The following MOB3B variants were observed in gnomAD, a reference collection of about 807,000 sequenced individuals.
The protein encoded by MOB3B is MOB kinase activator-like 2B.
Under a neutral mutation model 18.7 loss-of-function variants are expected in MOB3B, and 7 were observed. The observed-to-expected ratio is 0.37, with a 90% CI of 0.21 to 0.70. The LOEUF is 0.70. Ranked by LOEUF, MOB3B falls within the 30% of genes least tolerant of loss-of-function variation. The pLI is 0.52. For synonymous variants in MOB3B, 111 were observed against 99.9 expected, an observed-to-expected ratio of 1.11 and a Z score of -0.66; for missense variants, 253 against 281.3, an observed-to-expected ratio of 0.90 and a Z score of 0.72.
At chr9:27,480,868 GAA>G (rs1327994595) in intron 1 of MOB3B, among the ~76,000 whole-genome samples, 1 of 152,118 alleles carries the variant, frequency 6.6e-6, no homozygotes, top group African/African-American at 2.4e-5. Flanking sequence ...TAAGAGAACA[GAA>G]AATGATAAAT....
chr9:27,363,680 TTCAGCA>T (rs1358824143), intron 2 of MOB3B, among the ~76,000 whole-genome samples: 1 of 152,178 alleles, frequency 6.6e-6, no homozygotes, highest in Admixed American at 6.5e-5. Flanking sequence ...AGGCTCTTTC[TTCAGCA>T]TCCTATAGGT....
intron 3 of MOB3B, among the ~76,000 whole-genome samples, chr9:27,348,455 C>G (rs1276579847): frequency 6.6e-6 from 1 of 151,854 alleles, no homozygotes; most frequent in Non-Finnish European, 1.5e-5. Context: ...GAGTTCCAGA[C>G]CAGCCTGGCC....
intron 2 of MOB3B, among the ~76,000 whole-genome samples, chr9:27,392,609 C>T (rs146376231): frequency 6.6e-6 from 1 of 152,272 alleles, no homozygotes; most frequent in African/African-American, 2.4e-5. Flanking sequence ...CAATCCTTTA[C>T]ATGAACAACT....
At chr9:27,414,076 C>T (rs1296174268) in intron 2 of MOB3B, among the ~76,000 whole-genome samples, 1 of 152,202 alleles carries the variant, frequency 6.6e-6, no homozygotes, top group African/African-American at 2.4e-5. Flanking sequence ...ATGCCTAGTT[C>T]AATAAATCTG....
chr9:27,421,321 A>G (rs1444845428), intron 2 of MOB3B: 1 of 151,588 alleles, frequency 6.6e-6, no homozygotes. Flanking sequence ...CAAACTCCTG[A>G]CCTCAGGTGA....
chr9:27,417,436 G>C (rs546859834), intron 2 of MOB3B, among the ~76,000 whole-genome samples: 1 of 152,188 alleles, frequency 6.6e-6, no homozygotes, highest in African/African-American at 2.4e-5. Flanking sequence ...GCATACATGA[G>C]AGGGAAAGAA....
chr9:27,455,298 G>A lies in MOB3B; in HGVS notation c.253C>T (p.Arg85Trp), dbSNP rs752536593. The part of the protein sequence containing the change: ...YGTICEFCTE[R>W]TCPVMSGGPK... ...CCCCCTGACATCACAGGACAGGTCC[G>A]CTCGGTGCAGAACTCACAGATGGTG... Residue 85 changes from arginine (R) to tryptophan (W), a missense_variant, in exon 2 of 4, where the codon CGG becomes TGG. Arg to Trp is a moderately radical substitution (Grantham distance 101). Transcript: ENST00000262244. The A allele has an allele frequency of 3.0e-5, 49 of 1,613,940 alleles. No homozygotes were observed. Among genetic ancestry groups the A allele is most frequent in the South Asian group, 8.8e-5 (8 of 91,064 alleles).
chr9:27,465,307 G>T (rs1819364661), intron 1 of MOB3B, among the ~76,000 whole-genome samples: 1 of 152,180 alleles, frequency 6.6e-6, no homozygotes, highest in African/African-American at 2.4e-5. Context: ...AAATTTTAAA[G>T]CTCCAAAATG....
intron 1 of MOB3B, among the ~76,000 whole-genome samples, chr9:27,458,591 C>T (rs1819227566): frequency 7.7e-6 from 1 of 129,874 alleles, no homozygotes; most frequent in South Asian, 3.0e-4. Context: ...CATGATCATG[C>T]CACTGCTGGA....
At chr9:27,384,319 T>C (rs1205694515) in intron 2 of MOB3B, among the ~76,000 whole-genome samples, 1 of 152,074 alleles carries the variant, frequency 6.6e-6, no homozygotes, top group African/African-American at 2.4e-5. Flanking sequence ...TCATGAATGG[T>C]TTAAGTGCAC....
At chr9:27,425,101 C>T (rs971783570) in intron 2 of MOB3B, among the ~76,000 whole-genome samples, 1 of 152,046 alleles carries the variant, frequency 6.6e-6, no homozygotes, top group East Asian at 1.9e-4. Context: ...GGCATCCAGG[C>T]GCGGTGGCTT....
chr9:27,342,661 T>C (rs1300756264), intron 3 of MOB3B, among the ~76,000 whole-genome samples: 1 of 152,030 alleles, frequency 6.6e-6, no homozygotes, highest in Non-Finnish European at 1.5e-5. Flanking sequence ...GGAGACGGGG[T>C]TTCGCCTTGT....
At chr9:27,499,651 C>T (rs895269625) in intron 1 of MOB3B, among the ~76,000 whole-genome samples, 1 of 152,190 alleles carries the variant, frequency 6.6e-6, no homozygotes, top group African/African-American at 2.4e-5. Flanking sequence ...TGCCATTTCT[C>T]GTTAGAATGG....
chr9:27,430,829 T>TA (rs1308256511), intron 2 of MOB3B, among the ~76,000 whole-genome samples: 1 of 151,868 alleles, frequency 6.6e-6, no homozygotes, highest in Non-Finnish European at 1.5e-5. Flanking sequence ...TCCTGGTTCT[T>TA]ACCACCGTGA....
chr9:27,468,855 A>T (rs1819428631), intron 1 of MOB3B, among the ~76,000 whole-genome samples: 1 of 152,222 alleles, frequency 6.6e-6, no homozygotes. Context: ...GAACTACTTC[A>T]TGCAAAGATC....
At chr9:27,398,953 A>G (rs1247156206) in intron 2 of MOB3B, among the ~76,000 whole-genome samples, 1 of 150,836 alleles carries the variant, frequency 6.6e-6, no homozygotes, top group African/African-American at 2.4e-5. Flanking sequence ...TTTTTTTTTA[A>G]TCTGCAAAAT....
intron 2 of MOB3B, among the ~76,000 whole-genome samples, chr9:27,362,431 C>T (rs1821286300): frequency 6.6e-6 from 1 of 152,128 alleles, no homozygotes. Context: ...CTGTACTGTG[C>T]TTGGCACTCA....
At chr9:27,373,225 A>G (rs1489844886) in intron 2 of MOB3B, among the ~76,000 whole-genome samples, 1 of 152,212 alleles carries the variant, frequency 6.6e-6, no homozygotes, top group Non-Finnish European at 1.5e-5. Context: ...TAAACCAAGC[A>G]TGGGGCCATT....
chr9:27,450,053 C>T (rs1010319342), intron 2 of MOB3B, among the ~76,000 whole-genome samples: 2 of 151,250 alleles, frequency 1.3e-5, no homozygotes, highest in African/African-American at 4.9e-5. Context: ...CATCCCATGT[C>T]TGAGAAGATT....
Sources: allele counts gnomAD v4.1 joint callset (sites outside exome capture counted in the v4.1 genomes callset), GRCh38; gene constraint gnomAD v4.1.1; transcripts MANE v1.5; gene names NCBI Gene and HGNC (gene_info 2026-07-23, HGNC 2026-07-21).